Variants in CEP63 observed in about 807,000 individuals in gnomAD.
CEP63 encodes centrosomal protein of 63 kDa.
Under a neutral mutation model 89.1 loss-of-function variants are expected in CEP63, and 84 were observed. The observed-to-expected ratio is 0.94, with a 90% CI of 0.79 to 1.13. CEP63 has a LOEUF of 1.13. Among genes scored for constraint, CEP63 ranks in the 50% most tolerant of loss-of-function variants. CEP63 has a pLI of 0.00. For synonymous variants in CEP63, 267 were observed against 272.5 expected, an observed-to-expected ratio of 0.98 and a Z score of 0.20; for missense variants, 838 against 813.3, an observed-to-expected ratio of 1.03 and a Z score of -0.37.
the CEP63 span, among the ~76,000 whole-genome samples, chr3:134,669,210 T>C: frequency 7.2e-5 from 11 of 152,122 alleles, no homozygotes; most frequent in Non-Finnish European, 1.2e-4. Flanking sequence ...AAATGTTTTT[T>C]GTAGAGAGAG....
the CEP63 span, chr3:134,643,237 C>T: frequency 3.6e-6 from 5 of 1,406,084 alleles, no homozygotes; most frequent in Non-Finnish European, 5.0e-6. Flanking sequence ...AGCTCCACAT[C>T]CTGGGCTGTC....
the CEP63 span, among the ~76,000 whole-genome samples, chr3:134,645,552 C>T: frequency 6.6e-6 from 1 of 152,222 alleles, no homozygotes; most frequent in Non-Finnish European, 1.5e-5. Flanking sequence ...AGAATCTCGA[C>T]ATCAGAAAAC....
the CEP63 span, among the ~76,000 whole-genome samples, chr3:134,741,956 G>C: frequency 6.6e-6 from 1 of 152,076 alleles, no homozygotes; most frequent in African/African-American, 2.4e-5. Context: ...GAAACAGTGA[G>C]CAAGTGGCCT....
At chr3:134,530,263 C>T (rs958790195) in intron 3 of CEP63, among the ~76,000 whole-genome samples, 1 of 152,182 alleles carries the variant, frequency 6.6e-6, no homozygotes, top group East Asian at 1.9e-4. Context: ...CTTTATGGGT[C>T]TTTGATTCCA....
chr3:134,560,036 A>G (rs1007107570), intron 14 of CEP63, among the ~76,000 whole-genome samples: 1 of 152,212 alleles, frequency 6.6e-6, no homozygotes, highest in African/African-American at 2.4e-5. Context: ...GTGAAAGTGC[A>G]GTATTTCTGA....
chr3:134,486,985 T>A (rs892676570), intron 1 of CEP63, among the ~76,000 whole-genome samples: 13 of 152,230 alleles, frequency 8.5e-5, no homozygotes, highest in Admixed American at 8.5e-4. Flanking sequence ...AAGATGAGTA[T>A]GATGTCAGAG....
chr3:134,593,251 C>A, the CEP63 span, among the ~76,000 whole-genome samples: 1 of 152,150 alleles, frequency 6.6e-6, no homozygotes, highest in African/African-American at 2.4e-5. Flanking sequence ...TCAGTGTCAT[C>A]CTCATTATGC....
At chr3:134,592,078 G>A (rs1342084997), downstream of CEP63, among the ~76,000 whole-genome samples, 1 of 152,120 alleles carries the variant, frequency 6.6e-6, no homozygotes, top group African/African-American at 2.4e-5. Flanking sequence ...TCTTTCATGA[G>A]GTTCCAGTCA....
chr3:134,722,938 C>G, the CEP63 span, among the ~76,000 whole-genome samples: 40 of 152,288 alleles, frequency 2.6e-4, no homozygotes, highest in Non-Finnish European at 4.4e-5. Flanking sequence ...GATAGCATGC[C>G]ACTGCAAGCC....
the CEP63 span, among the ~76,000 whole-genome samples, chr3:134,625,966 T>C: frequency 2.0e-5 from 3 of 152,344 alleles, no homozygotes; most frequent in Admixed American, 6.5e-5. Context: ...AGAGCCATAA[T>C]CAGCTATTGC....
At chr3:134,678,474 G>T in the CEP63 span, among the ~76,000 whole-genome samples, 1 of 152,090 alleles carries the variant, frequency 6.6e-6, no homozygotes, top group Non-Finnish European at 1.5e-5. Flanking sequence ...CATGTTCCTG[G>T]TGCCTAGTGT....
chr3:134,727,117 T>A, the CEP63 span, among the ~76,000 whole-genome samples: 5 of 152,054 alleles, frequency 3.3e-5, no homozygotes, highest in Non-Finnish European at 7.4e-5. Flanking sequence ...ATGGTTCCAA[T>A]AGAGGAAATA....
the CEP63 span, chr3:134,607,954 T>C: frequency 3.0e-6 from 3 of 997,676 alleles, no homozygotes; most frequent in South Asian, 1.3e-4. Context: ...CCGCCTCTCC[T>C]CTGCTGCCTA....
At chr3:134,510,603 A>T in intron 3 of CEP63, 1 of 653,498 alleles carries the variant, frequency 1.5e-6, no homozygotes, top group African/African-American at 1.8e-5. Context: ...TTCAAGGTGC[A>T]GGGGTGGGAA....
chr3:134,716,033 G>A, the CEP63 span, among the ~76,000 whole-genome samples: 1 of 151,370 alleles, frequency 6.6e-6, no homozygotes, highest in Admixed American at 6.6e-5. Flanking sequence ...CTCCAATAAT[G>A]CTACACCAGA....
the CEP63 span, among the ~76,000 whole-genome samples, chr3:134,594,931 G>A: frequency 0.34 from 51,385 of 152,028 alleles, 9,099 homozygotes; most frequent in African/African-American, 0.43. Context: ...TGCATGTTGC[G>A]TGGAATCCTC....
At chr3:134,735,741 T>C in the CEP63 span, among the ~76,000 whole-genome samples, 1 of 152,146 alleles carries the variant, frequency 6.6e-6, no homozygotes, top group South Asian at 2.1e-4. Flanking sequence ...TTGCAAATAA[T>C]GACAATTGAC....
At chr3:134,706,111 A>G in the CEP63 span, among the ~76,000 whole-genome samples, 1 of 152,112 alleles carries the variant, frequency 6.6e-6, no homozygotes. Flanking sequence ...AGAGGACAGA[A>G]CTAAGTGGTA....
the CEP63 span, among the ~76,000 whole-genome samples, chr3:134,661,837 C>T: frequency 6.9e-4 from 101 of 146,716 alleles, no homozygotes; most frequent in African/African-American, 2.2e-3. Context: ...ATGTTGAGAT[C>T]CTAACTTCTA....
Sources: gnomAD v4.1 joint callset for allele counts (sites outside exome capture counted in the v4.1 genomes callset) on GRCh38, gnomAD v4.1.1 for gene constraint, MANE v1.5 for transcripts, NCBI Gene and HGNC (gene_info 2026-07-23, HGNC 2026-07-21) for gene names.